Variants in TAFA1 observed in about 807,000 individuals in gnomAD.
The protein encoded by TAFA1 is TAFA chemokine like family member 1.
A neutral mutation model predicts 18.5 loss-of-function variants in TAFA1; 4 were observed. That is an observed-to-expected ratio of 0.22 (90% confidence interval 0.11 to 0.49). TAFA1 has a LOEUF of 0.49. TAFA1 is among the 20% of genes least tolerant of loss of function. The pLI, the probability that TAFA1 is intolerant of heterozygous loss-of-function variation, is 0.98. For missense variants in TAFA1, 147 were observed against 169.0 expected, an observed-to-expected ratio of 0.87 and a Z score of 0.72; for synonymous variants, 56 against 55.2, an observed-to-expected ratio of 1.01 and a Z score of -0.06.
intron 2 of TAFA1, among the ~76,000 whole-genome samples, chr3:68,101,095 T>A (rs2065142125): frequency 6.6e-6 from 1 of 152,036 alleles, no homozygotes; most frequent in African/African-American, 2.4e-5. Flanking sequence ...TAGTAGAGAA[T>A]ATTTCATCAC....
chr3:68,029,670 TATGAACTATAATACATA>T, intron 2 of TAFA1, among the ~76,000 whole-genome samples: 1 of 152,342 alleles, frequency 6.6e-6, no homozygotes, highest in East Asian at 1.9e-4. Flanking sequence ...AATTATAGCA[TATGAACTATAATACATA>T]AAGTAGCGGA....
chr3:68,534,922 G>A (rs2073251961), intron 3 of TAFA1, among the ~76,000 whole-genome samples: 1 of 152,116 alleles, frequency 6.6e-6, no homozygotes, highest in African/African-American at 2.4e-5. Flanking sequence ...CCCACTGGCG[G>A]ATGTGCATTA....
At chr3:68,358,728 C>T (rs894232763) in intron 2 of TAFA1, among the ~76,000 whole-genome samples, 7 of 151,834 alleles carry the variant, frequency 4.6e-5, no homozygotes, top group Admixed American at 1.3e-4. Flanking sequence ...TAAAATAAAA[C>T]TTGTAGCCTT....
intron 2 of TAFA1, among the ~76,000 whole-genome samples, chr3:68,170,374 T>G (rs917703533): frequency 1.3e-5 from 2 of 152,216 alleles, no homozygotes; most frequent in Admixed American, 1.3e-4. Context: ...GAAATTTCTC[T>G]GTGCAAACAG....
intron 3 of TAFA1, among the ~76,000 whole-genome samples, chr3:68,494,772 C>T (rs1162275534): frequency 6.6e-6 from 1 of 152,104 alleles, no homozygotes; most frequent in Non-Finnish European, 1.5e-5. Flanking sequence ...AATGCAATTC[C>T]TAATTGACAC....
At chr3:68,227,418 A>T (rs1335042868) in intron 2 of TAFA1, among the ~76,000 whole-genome samples, 2 of 152,226 alleles carry the variant, frequency 1.3e-5, no homozygotes, top group Non-Finnish European at 2.9e-5. Context: ...ATCAAGACAG[A>T]TTAGAACATA....
At chr3:68,397,508 G>A (rs2070407071) in intron 2 of TAFA1, among the ~76,000 whole-genome samples, 2 of 152,098 alleles carry the variant, frequency 1.3e-5, no homozygotes, top group African/African-American at 4.8e-5. Flanking sequence ...TTCTTTTACG[G>A]CTGACTAGTA....
chr3:68,476,016 T>C (rs930212774), intron 3 of TAFA1, among the ~76,000 whole-genome samples: 1 of 152,226 alleles, frequency 6.6e-6, no homozygotes, highest in Non-Finnish European at 1.5e-5. Flanking sequence ...TGTTTGTTTT[T>C]TTCTTGTAAA....
intron 2 of TAFA1, among the ~76,000 whole-genome samples, chr3:68,049,848 C>A (rs533731872): frequency 6.6e-6 from 1 of 152,002 alleles, no homozygotes; most frequent in African/African-American, 2.4e-5. Context: ...GCTTTCATCC[C>A]GCTCTGAATA....
intron 2 of TAFA1, among the ~76,000 whole-genome samples, chr3:68,307,423 A>G (rs1011932406): frequency 2.0e-5 from 3 of 152,186 alleles, no homozygotes; most frequent in African/African-American, 7.2e-5. Context: ...GTATATAAAT[A>G]CAGACTAGCT....
At chr3:68,457,180 T>C (rs547783428) in intron 3 of TAFA1, among the ~76,000 whole-genome samples, 1 of 152,358 alleles carries the variant, frequency 6.6e-6, no homozygotes, top group African/African-American at 2.4e-5. Context: ...GTATACTATG[T>C]GCTACAGTTA....
intron 2 of TAFA1, among the ~76,000 whole-genome samples, chr3:68,315,947 A>C (rs2068598623): frequency 6.6e-6 from 1 of 152,204 alleles, no homozygotes; most frequent in African/African-American, 2.4e-5. Context: ...TGTGAAGAGG[A>C]AGGTCAGAGG....
chr3:68,541,733 A>T (rs956942287), intron 4 of TAFA1, among the ~76,000 whole-genome samples: 1 of 152,166 alleles, frequency 6.6e-6, no homozygotes, highest in Admixed American at 6.6e-5. Flanking sequence ...CTGTTATTTT[A>T]AAAGTAACTT....
At chr3:68,189,097 C>T (rs2066307156) in intron 2 of TAFA1, among the ~76,000 whole-genome samples, 1 of 151,840 alleles carries the variant, frequency 6.6e-6, no homozygotes, top group South Asian at 2.1e-4. Flanking sequence ...AAGGTAAAAT[C>T]ATAGAGTGGA....
intron 2 of TAFA1, among the ~76,000 whole-genome samples, chr3:68,387,002 C>T (rs1001015111): frequency 6.6e-6 from 1 of 151,874 alleles, no homozygotes; most frequent in Non-Finnish European, 1.5e-5. Flanking sequence ...TGCTAGTGTG[C>T]TCAGAATTTT....
At chr3:68,189,398 T>C (rs2066311060) in intron 2 of TAFA1, among the ~76,000 whole-genome samples, 2 of 151,846 alleles carry the variant, frequency 1.3e-5, no homozygotes, top group South Asian at 4.1e-4. Flanking sequence ...TTTCCATTTT[T>C]AAAATTTTTG....
At chr3:68,533,829 G>T (rs1028478439) in intron 3 of TAFA1, among the ~76,000 whole-genome samples, 2 of 152,102 alleles carry the variant, frequency 1.3e-5, no homozygotes, top group African/African-American at 4.8e-5. Flanking sequence ...GTGTGACTCA[G>T]TTCGCAAGCT....
chr3:68,196,375 G>GCAAT (rs1033244659), intron 2 of TAFA1, among the ~76,000 whole-genome samples: 3 of 151,656 alleles, frequency 2.0e-5, no homozygotes, highest in Non-Finnish European at 4.4e-5. Context: ...ACCAAATGTA[G>GCAAT]CAATCAATCA....
chr3:68,479,250 A>ATG (rs2072177067), intron 3 of TAFA1, among the ~76,000 whole-genome samples: 1 of 143,424 alleles, frequency 7.0e-6, no homozygotes, highest in Non-Finnish European at 1.5e-5. Context: ...AAATATATAT[A>ATG]TATATATATA....
Sources: allele counts gnomAD v4.1 joint callset (sites outside exome capture counted in the v4.1 genomes callset), GRCh38; gene constraint gnomAD v4.1.1; transcripts MANE v1.5; gene names NCBI Gene and HGNC (gene_info 2026-07-23, HGNC 2026-07-21).